ABCC12: variants seen among roughly 807,000 people sequenced by gnomAD.
ABCC12 encodes ATP-binding cassette sub-family C member 12.
Under a neutral mutation model 151.1 loss-of-function variants are expected in ABCC12, and 142 were observed. The observed-to-expected ratio is 0.94, with a 90% CI of 0.82 to 1.08. The LOEUF is 1.08. Among genes scored for constraint, ABCC12 ranks in the 50% least tolerant of loss-of-function variants. The probability of loss-of-function intolerance (pLI) is 0.00; values close to 1 mark genes in which losing one functional copy is unlikely to be tolerated. For synonymous variants in ABCC12, 645 were observed against 646.4 expected (o/e 1.00, Z 0.03); for missense variants, 1,638 against 1,691.1 (o/e 0.97, Z 0.55).
chr16:48,124,210 T>C lies in ABCC12; in HGVS notation c.1587+3A>G, dbSNP rs1179316775. 2 of 1,613,762 alleles carry C rather than the reference T, an allele frequency of 1.2e-6. No individual in the cohort carries two copies. The highest frequency in any genetic ancestry group is 4.5e-5 in the East Asian group (2 of 44,888). ...TCTTCACAGCACTCATCACACAGCTTACCTGTCCTAGGAGAGCTGCAAGGA... is the reference window on the plus strand; with the variant it reads ...TCTTCACAGCACTCATCACACAGCTCACCTGTCCTAGGAGAGCTGCAAGGA... On this transcript the variant is annotated splice_donor_region_variant and intron_variant, in intron 12 of 30. Coordinates refer to ENST00000311303, the MANE Select transcript of ABCC12 (RefSeq NM_001393797.1).
chr16:48,104,135 G>T lies in ABCC12; in HGVS notation c.2900+7C>A, dbSNP rs368702977. On this transcript the variant is annotated splice_region_variant and intron_variant, in intron 22 of 30. Transcript: ENST00000311303. ...CGTTTTCTCGTGTAAATAGCACATG[G>T]GCCTACCGTAACAGAATGAAGAAGC... 8.0e-5 allele frequency: 129 copies of T among 1,612,988 alleles called. 1 individual carries two copies. Among genetic ancestry groups the T allele is most frequent in the Non-Finnish European group, 1.1e-4 (127 of 1,179,638 alleles).
intron 26 of ABCC12, 124 bp from the exon 27 acceptor site, chr16:48,088,209 C>G: frequency 8.4e-7 from 1 of 1,183,628 alleles, no homozygotes; most frequent in East Asian, 2.6e-5. Context: ...ACAGTGTAGA[C>G]AGAAAGTGTC....
At chr16:48,093,720 G>A (rs939330683) in intron 24 of ABCC12, among the ~76,000 whole-genome samples, 2 of 152,110 alleles carry the variant, frequency 1.3e-5, no homozygotes, top group African/African-American at 4.8e-5. Flanking sequence ...CCTTGAGAAG[G>A]GCATATACAT....
At chr16:48,148,622 C>T (rs1322935547) in intron 2 of ABCC12, among the ~76,000 whole-genome samples, 30 of 152,086 alleles carry the variant, frequency 2.0e-4, no homozygotes, top group Admixed American at 2.0e-3. Context: ...CTACCAGAGA[C>T]TCCCTAAACC....
chr16:48,141,261 A>C lies in ABCC12; in HGVS notation c.368T>G (p.Val123Gly). ...HVVWKFQRTR[V>G]LMDIVANILC... ...GATGTTGGCCACGATGTCCATCAACACGCGTGTCCTCTGGAATTTCCACAC... is the reference window on the plus strand; with the variant it reads ...GATGTTGGCCACGATGTCCATCAACCCGCGTGTCCTCTGGAATTTCCACAC... Residue 123 changes from valine (V) to glycine (G), a missense_variant, in exon 5 of 31, where the codon GTG becomes GGG. Physicochemically the swap from Val to Gly is moderately radical, Grantham distance 109. Coordinates refer to ENST00000311303, the MANE Select transcript of ABCC12 (RefSeq NM_001393797.1). 6.2e-7 allele frequency: 1 copy of C among 1,614,230 alleles called. No individual in the cohort carries two copies. Among genetic ancestry groups the C allele is most frequent in the Non-Finnish European group, 8.5e-7 (1 of 1,180,044 alleles).
chr16:48,114,877 G>C (rs1054140234), intron 15 of ABCC12, among the ~76,000 whole-genome samples: 1 of 152,214 alleles, frequency 6.6e-6, no homozygotes, highest in African/African-American at 2.4e-5. Context: ...CTTAGCCTGA[G>C]ACAGTGGCCC....
At chr16:48,146,081 T>C (rs560299908) in intron 3 of ABCC12, among the ~76,000 whole-genome samples, 14 of 152,312 alleles carry the variant, frequency 9.2e-5, no homozygotes, top group African/African-American at 2.4e-4. Flanking sequence ...GTCTGGATCA[T>C]GGAAAGCTCT....
At chr16:48,136,153 C>T (rs757144117) in intron 8 of ABCC12, among the ~76,000 whole-genome samples, 4 of 152,176 alleles carry the variant, frequency 2.6e-5, no homozygotes, top group Admixed American at 6.5e-5. Context: ...AGGGCAGAAT[C>T]GAAGCCCACT....
At chr16:48,122,656 C>T (rs1223078751) in intron 12 of ABCC12, among the ~76,000 whole-genome samples, 1 of 152,050 alleles carries the variant, frequency 6.6e-6, no homozygotes, top group Non-Finnish European at 1.5e-5. Flanking sequence ...ACCAAGGCGG[C>T]CGAAGGATGT....
At position 48,086,787 on chromosome 16, in the gene ABCC12, T is replaced by A. The variant is rs1223042463; in HGVS notation, c.3668A>T (p.Asp1223Val). ...YNLDPFESHTDEMLWQVLERT... is the reference protein window; with the variant it reads ...YNLDPFESHTVEMLWQVLERT... Reference sequence around the variant, plus strand: ...CTCCAGAACCTGCCAGAGCATCTCATCGGTGTGACTCTCAAAGGGATCCAA... The same window carrying A: ...CTCCAGAACCTGCCAGAGCATCTCAACGGTGTGACTCTCAAAGGGATCCAA... Residue 1223 changes from aspartate (D) to valine (V), a missense_variant, in exon 28 of 31, where the codon GAT becomes GTT. Transcript: ENST00000311303. 3 of 1,613,952 alleles carry A rather than the reference T, an allele frequency of 1.9e-6. No individual in the cohort carries two copies. Among genetic ancestry groups the A allele is most frequent in the Non-Finnish European group, 2.5e-6 (3 of 1,179,904 alleles).
chr16:48,126,932 C>T (rs772523160), intron 11 of ABCC12, among the ~76,000 whole-genome samples: 8 of 152,070 alleles, frequency 5.3e-5, no homozygotes, highest in African/African-American at 9.7e-5. Context: ...CCTTAGAACA[C>T]GGGAAGTTCA....
intron 21 of ABCC12, among the ~76,000 whole-genome samples, 172 bp from the exon 22 acceptor site, chr16:48,104,540 G>T (rs1447452678): frequency 6.6e-6 from 1 of 152,160 alleles, no homozygotes; most frequent in Non-Finnish European, 1.5e-5. Flanking sequence ...TGCGGCCACC[G>T]TGAATGAGTG....
intron 11 of ABCC12, among the ~76,000 whole-genome samples, chr16:48,126,935 G>A (rs1304418030): frequency 6.6e-6 from 1 of 152,186 alleles, no homozygotes; most frequent in Non-Finnish European, 1.5e-5. Context: ...TAGAACACGG[G>A]AAGTTCACGG....
Position 48,088,615 on chromosome 16 carries a change from A to C in ABCC12, c.3405T>G (p.Leu1135=). 6.2e-7 allele frequency: 1 copy of C among 1,614,176 alleles called. No individual in the cohort carries two copies. Among genetic ancestry groups the C allele is most frequent in the Non-Finnish European group, 8.5e-7 (1 of 1,180,024 alleles). The change falls in exon 26 of 31, where the codon CTT becomes CTG. Residue 1135 remains leucine, a synonymous_variant. Transcript: ENST00000311303. The stretch of plus-strand genomic sequence containing the variant: ...TGTTCAAGTTCAGGCTGTCGAGAAC[A>C]AGGGGGGTGTTGTCTCTGTATCTCA... ...YQMRYRDNTP[L]VLDSLNLNIQ...
At chr16:48,132,260 C>T (rs1196664248) in intron 9 of ABCC12, among the ~76,000 whole-genome samples, 2 of 152,188 alleles carry the variant, frequency 1.3e-5, no homozygotes, top group African/African-American at 4.8e-5. Flanking sequence ...GCTTTGGGCT[C>T]ACAGCTGGGC....
Position 48,082,140 on chromosome 16 carries a change from T to C in ABCC12, c.*1575A>G, listed in dbSNP as rs1379214874. 6.6e-6 allele frequency among the ~76,000 whole-genome samples: 1 copy of C among 152,208 alleles called. No individual in the cohort carries two copies. Among genetic ancestry groups the C allele is most frequent in the Admixed American group, 6.5e-5 (1 of 15,276 alleles). On this transcript the variant is annotated 3_prime_UTR_variant, in exon 31 of 31. Transcript: ENST00000311303. ...TTCACAGAGAGATCCACACTTGGCC[T>C]GGAGCTGCCCACAGAAGGAACCCCC...
chr16:48,090,634 C>A (rs1962839659), intron 25 of ABCC12, among the ~76,000 whole-genome samples: 3 of 152,092 alleles, frequency 2.0e-5, no homozygotes, highest in Admixed American at 2.0e-4. Flanking sequence ...TTAAAAAGAA[C>A]CTCACATTCA....
At chr16:48,146,557 T>G in intron 2 of ABCC12, 83 bp from the exon 3 acceptor site, 1 of 698,212 alleles carries the variant, frequency 1.4e-6, no homozygotes, top group East Asian at 2.6e-5. Context: ...CCCAGATCAG[T>G]TCCTTTGCTT....
intron 6 of ABCC12, 129 bp from the exon 7 acceptor site, chr16:48,139,465 T>C (rs1054091071): frequency 2.1e-6 from 2 of 972,474 alleles, no homozygotes; most frequent in African/African-American, 1.7e-5. Context: ...CAGGAAGGGG[T>C]CACCGGGGAC....
Sources: allele counts gnomAD v4.1 joint callset (sites outside exome capture counted in the v4.1 genomes callset), GRCh38; gene constraint gnomAD v4.1.1; transcripts MANE v1.5; gene names NCBI Gene and HGNC (gene_info 2026-07-23, HGNC 2026-07-21).